ZNF791: variants seen among roughly 807,000 people sequenced by gnomAD.
ZNF791 encodes the protein zinc finger protein 791.
Under a neutral mutation model 11.5 loss-of-function variants are expected in ZNF791, and 4 were observed. The observed-to-expected ratio is 0.35, with a 90% CI of 0.17 to 0.80. The LOEUF is 0.80. Ranked by LOEUF, ZNF791 falls within the 30% of genes least tolerant of loss-of-function variation. The pLI is 0.53. For synonymous variants in ZNF791, 212 were observed against 228.1 expected (o/e 0.93, Z 0.64); for missense variants, 559 against 699.4 (o/e 0.80, Z 2.26).
intron 1 of ZNF791, among the ~76,000 whole-genome samples, chr19:12,619,470 G>C (rs2023300409): frequency 8.3e-6 from 1 of 121,006 alleles, no homozygotes; most frequent in Non-Finnish European, 1.6e-5. Context: ...TTTTTTTTGA[G>C]ACGGAGTCTC....
In ZNF791 at chr19:12,629,298, A is replaced by G. The variant is rs765833261; in HGVS notation, c.*38A>G. 3.2e-5 allele frequency: 44 copies of G among 1,394,026 alleles called. No homozygotes were observed. Among genetic ancestry groups the G allele is most frequent in the Admixed American group, 5.2e-5 (2 of 38,164 alleles). The allele number at this position is 1,394,026 out of a possible 1,614,324, so 86.4% of individuals were successfully genotyped here. On this transcript the variant is annotated 3_prime_UTR_variant, in exon 4 of 4. Transcript: ENST00000343325. ...TGTGAGAAATAGGAGAAAGTTTTCA[A>G]TTCTAACAGATGCTTTCAAAGTTGT...
At position 12,617,248 on chromosome 19, in the gene ZNF791, C is replaced by T. The variant is rs1439026299; in HGVS notation, c.3+6166C>T. On this transcript the variant is annotated intron_variant, in intron 1 of 3. Coordinates refer to ENST00000343325, the MANE Select transcript of ZNF791 (RefSeq NM_153358.3). ...TCAAGCGATTCTCCTGCCTCAACCT[C>T]TCAAGTAGCTGGGATTACAGGCACG... Among the ~76,000 whole-genome samples, 5 of 151,320 alleles carry T rather than the reference C, an allele frequency of 3.3e-5. No individual in the cohort carries two copies. The East Asian group carries it at 9.7e-4, about 29-fold the overall frequency.
chr19:12,622,433 CCT>C (rs2023368820), intron 1 of ZNF791, among the ~76,000 whole-genome samples: 1 of 45,756 alleles, frequency 2.2e-5, no homozygotes, highest in African/African-American at 6.5e-5. Context: ...AAAAAAAAAA[CCT>C]CCACCTCATT....
At chr19:12,625,389 G>C (rs1012455942) in intron 3 of ZNF791, among the ~76,000 whole-genome samples, 30 of 151,840 alleles carry the variant, frequency 2.0e-4, no homozygotes, top group African/African-American at 7.0e-4. Context: ...CCAAAGTGCT[G>C]GGATTACAGG....
chr19:12,624,017 G>A (rs2023392486), intron 2 of ZNF791, among the ~76,000 whole-genome samples, 191 bp downstream of exon 2: 1 of 150,892 alleles, frequency 6.6e-6, no homozygotes, highest in African/African-American at 2.4e-5. Context: ...CACCATGCCT[G>A]GCTAATTTTT....
intron 1 of ZNF791, among the ~76,000 whole-genome samples, chr19:12,617,617 G>T (rs2023264463): frequency 1.3e-5 from 2 of 151,946 alleles, no homozygotes; most frequent in African/African-American, 2.4e-5. Context: ...TCCACAACAT[G>T]GTTTATCTTG....
Position 12,629,550 on chromosome 19 carries a change from G to A in ZNF791, c.*290G>A, listed in dbSNP as rs1455479691. 1 of 216,638 alleles carries A rather than the reference G, an allele frequency of 4.6e-6. No homozygotes were observed. Among genetic ancestry groups the A allele is most frequent in the Non-Finnish European group, 9.1e-6 (1 of 110,372 alleles). The allele number at this position is 216,638 out of a possible 1,614,324, so 13.4% of individuals were successfully genotyped here. Reference sequence around the variant, plus strand: ...GCAGCACATTATTTAAGTGTTTATGGTGCTGGTGTAAACGTGCTGCACTTT... The same window carrying A: ...GCAGCACATTATTTAAGTGTTTATGATGCTGGTGTAAACGTGCTGCACTTT... On this transcript the variant is annotated 3_prime_UTR_variant, in exon 4 of 4. Transcript: ENST00000343325.
At chr19:12,627,691 C>A in intron 3 of ZNF791, 30 bp from the exon 4 acceptor site, 1 of 1,519,444 alleles carries the variant, frequency 6.6e-7, no homozygotes, top group South Asian at 1.2e-5. Context: ...AATACACAAC[C>A]AGTATTACCG....
Position 12,627,979 on chromosome 19 carries a change from T to C in ZNF791, c.450T>C (p.His150=), listed in dbSNP as rs755141223. 1.2e-6 allele frequency: 2 copies of C among 1,614,020 alleles called. No homozygotes were observed. The highest frequency in any genetic ancestry group is 1.1e-5 in the South Asian group (1 of 91,068). Residue 150 remains histidine (H), a synonymous_variant, in exon 4 of 4, where the codon CAT becomes CAC. Transcript: ENST00000343325. ...AFSYLKSFQR[H]ERSHTGEKPY... is the part of the protein sequence containing the mutation. ...GTTATCTCAAATCCTTTCAAAGACA[T>C]GAAAGGAGTCACACTGGAGAAAAAC...
At position 12,628,045 on chromosome 19, in the gene ZNF791, C is replaced by G. The variant is rs571377365; in HGVS notation, c.516C>G (p.His172Gln). Residue 172 changes from histidine to glutamine, a missense_variant, in exon 4 of 4, where the codon CAC (histidine) becomes CAG (glutamine). By Grantham distance (24) the His-to-Gln change is conservative. Coordinates refer to ENST00000343325, the MANE Select transcript of ZNF791 (RefSeq NM_153358.3). ...CKQCGKTFIYHQPFQRHERTH... is the reference protein window; with the variant it reads ...CKQCGKTFIYQQPFQRHERTH... Reference sequence around the variant, plus strand: ...AATGTGGAAAAACCTTCATATATCACCAGCCCTTTCAAAGACATGAGCGGA... The same window carrying G: ...AATGTGGAAAAACCTTCATATATCAGCAGCCCTTTCAAAGACATGAGCGGA... The G allele has an allele frequency of 3.4e-4, 545 of 1,613,254 alleles. 9 individuals are homozygous for G. In the South Asian group the frequency reaches 5.9e-3, roughly 17 times the overall value.
intron 1 of ZNF791, among the ~76,000 whole-genome samples, chr19:12,621,573 G>A (rs937984320): frequency 6.6e-6 from 1 of 151,580 alleles, no homozygotes; most frequent in African/African-American, 2.4e-5. Context: ...GAGTGCTTCT[G>A]ATGGCCTCAA....
chr19:12,620,751 G>GTTTTTTTTTTTTTTTT (rs2023327234), intron 1 of ZNF791, among the ~76,000 whole-genome samples: 1 of 71,606 alleles, frequency 1.4e-5, no homozygotes, highest in African/African-American at 6.2e-5. Context: ...GGGGATTTAT[G>GTTTTTTTTTTTTTTTT]TTCTTTTTTT....
Position 12,631,324 on chromosome 19 carries a change from C to T in ZNF791, c.*2064C>T, listed in dbSNP as rs934848468. 1 of 152,104 alleles carries T rather than the reference C, an allele frequency of 6.6e-6. No individual in the cohort carries two copies. Among genetic ancestry groups the T allele is most frequent in the African/African-American group, 2.4e-5 (1 of 41,396 alleles). 9.4% of individuals were successfully genotyped at this position (152,104 alleles called of 1,614,324 possible). On this transcript the variant is annotated 3_prime_UTR_variant, in exon 4 of 4. Transcript: ENST00000343325. ...TAAGTTCACTTTGTGATGTTTGTAC[C>T]ATGAGGAAATCACCTACAACACGTT...
chr19:12,616,986 G>A (rs959247309), intron 1 of ZNF791, among the ~76,000 whole-genome samples: 9 of 115,550 alleles, frequency 7.8e-5, no homozygotes, highest in African/African-American at 2.3e-4. Context: ...TGTGAAAGGT[G>A]TAAGATCCAT....
At position 12,632,454 on chromosome 19, in the gene ZNF791, A is replaced by G. The variant is rs2023512689; in HGVS notation, c.*3194A>G. On this transcript the variant is annotated 3_prime_UTR_variant, in exon 4 of 4. Transcript: ENST00000343325. Reference sequence around the variant, plus strand: ...AGGTGGTGCATATATTACCCATTATATATTTATTTCACCTTTTCCGAAAAA... The same window carrying G: ...AGGTGGTGCATATATTACCCATTATGTATTTATTTCACCTTTTCCGAAAAA... 1 of 152,048 alleles carries G rather than the reference A, an allele frequency of 6.6e-6. No individual in the cohort carries two copies. The highest frequency in any genetic ancestry group is 2.1e-4 in the South Asian group (1 of 4,822). 9.4% of individuals were successfully genotyped at this position (152,048 alleles called of 1,614,324 possible). A position where few individuals can be genotyped will look rare whatever the true frequency, so the allele number is the denominator to read the frequency against.
chr19:12,625,876 G>T (rs571843527), intron 3 of ZNF791, among the ~76,000 whole-genome samples: 1 of 151,632 alleles, frequency 6.6e-6, no homozygotes, highest in Non-Finnish European at 1.5e-5. Context: ...ACAGAGTCTC[G>T]CTCTGTCACC....
intron 3 of ZNF791, among the ~76,000 whole-genome samples, chr19:12,626,411 A>G (rs1479227250): frequency 2.7e-5 from 4 of 150,766 alleles, no homozygotes; most frequent in Non-Finnish European, 5.9e-5. Context: ...GGCCTCCCAA[A>G]GTGCTGGGAT....
At chr19:12,617,840 T>A (rs1389104796) in intron 1 of ZNF791, among the ~76,000 whole-genome samples, 1 of 131,004 alleles carries the variant, frequency 7.6e-6, no homozygotes, top group Non-Finnish European at 1.6e-5. Flanking sequence ...GATCTCAGCC[T>A]ACTACAACCA....
intron 1 of ZNF791, among the ~76,000 whole-genome samples, chr19:12,619,116 A>G (rs1478894694): frequency 6.6e-6 from 1 of 152,066 alleles, no homozygotes; most frequent in African/African-American, 2.4e-5. Context: ...AGTGCTAGGG[A>G]TTACAGGCGT....
Sources: allele counts gnomAD v4.1 joint callset (sites outside exome capture counted in the v4.1 genomes callset), GRCh38; gene constraint gnomAD v4.1.1; transcripts MANE v1.5; gene names NCBI Gene and HGNC (gene_info 2026-07-23, HGNC 2026-07-21).